The following PRDM16 variants were observed in gnomAD, a reference collection of about 807,000 sequenced individuals.
The protein encoded by PRDM16 is histone-lysine N-methyltransferase PRDM16.
In PRDM16, 23 loss-of-function variants were observed where a neutral mutation model predicts 110.6. The observed-to-expected ratio is 0.21, with a 90% CI of 0.15 to 0.29. PRDM16 has a LOEUF of 0.29. Ranked by LOEUF, PRDM16 falls within the 10% of genes least tolerant of loss-of-function variation. The probability of loss-of-function intolerance (pLI) is 1.00; values close to 1 mark genes in which losing one functional copy is unlikely to be tolerated. For missense variants in PRDM16, 1,615 were observed against 1,794.3 expected, an observed-to-expected ratio of 0.90 and a Z score of 1.81; for synonymous variants, 799 against 781.8, an observed-to-expected ratio of 1.02 and a Z score of -0.37.
intron 2 of PRDM16, among the ~76,000 whole-genome samples, chr1:3,193,991 C>T (rs549036794): frequency 6.6e-6 from 1 of 152,222 alleles, no homozygotes; most frequent in Admixed American, 6.5e-5. Flanking sequence ...GCACACCCCT[C>T]TGGCATCAGG....
intron 2 of PRDM16, among the ~76,000 whole-genome samples, chr1:3,228,817 C>T (rs1191141660): frequency 6.6e-6 from 1 of 152,218 alleles, no homozygotes; most frequent in Non-Finnish European, 1.5e-5. Flanking sequence ...TCTCCTTTCT[C>T]TCCCTCCATC....
At chr1:3,112,451 C>T (rs1642817141) in intron 1 of PRDM16, among the ~76,000 whole-genome samples, 1 of 152,246 alleles carries the variant, frequency 6.6e-6, no homozygotes, top group African/African-American at 2.4e-5. Flanking sequence ...AGGAGCCCCG[C>T]GCTTGCACAG....
chr1:3,220,096 CA>C (rs2100863893), intron 2 of PRDM16, among the ~76,000 whole-genome samples: 1 of 152,330 alleles, frequency 6.6e-6, no homozygotes, highest in East Asian at 1.9e-4. Context: ...CCTGCATCTC[CA>C]GACATAGCCC....
intron 1 of PRDM16, among the ~76,000 whole-genome samples, chr1:3,182,839 G>A (rs1328297268): frequency 1.3e-5 from 2 of 152,188 alleles, no homozygotes; most frequent in African/African-American, 4.8e-5. Context: ...ATCGGGAGGT[G>A]CTTCACGGCA....
intron 1 of PRDM16, among the ~76,000 whole-genome samples, chr1:3,183,737 A>T (rs1195421422): frequency 1.3e-5 from 2 of 152,236 alleles, no homozygotes; most frequent in Non-Finnish European, 2.9e-5. Context: ...GGGAAGTAGA[A>T]TTCAAACAGA....
At chr1:3,361,765 C>T (rs1443677930) in intron 3 of PRDM16, among the ~76,000 whole-genome samples, 5 of 150,454 alleles carry the variant, frequency 3.3e-5, no homozygotes, top group African/African-American at 7.4e-5. Flanking sequence ...AGAAGTGACG[C>T]GGTCTGGGAG....
At chr1:3,176,806 C>G (rs553659927) in intron 1 of PRDM16, among the ~76,000 whole-genome samples, 2 of 145,814 alleles carry the variant, frequency 1.4e-5, no homozygotes, top group Non-Finnish European at 1.5e-5. Context: ...CTATCCACCC[C>G]TTGATTCACC....
At chr1:3,211,637 C>T (rs956993973) in intron 2 of PRDM16, among the ~76,000 whole-genome samples, 11 of 152,346 alleles carry the variant, frequency 7.2e-5, no homozygotes, top group East Asian at 1.9e-4. Context: ...GCCCACTGGC[C>T]GCAGCAGTGG....
At chr1:3,149,441 G>A (rs1056678128) in intron 1 of PRDM16, among the ~76,000 whole-genome samples, 3 of 152,148 alleles carry the variant, frequency 2.0e-5, no homozygotes, top group African/African-American at 7.2e-5. Flanking sequence ...CTACCCACAC[G>A]AGGTGCTGTG....
intron 1 of PRDM16, among the ~76,000 whole-genome samples, chr1:3,122,163 T>C (rs1374183341): frequency 6.6e-6 from 1 of 152,176 alleles, no homozygotes; most frequent in East Asian, 1.9e-4. Context: ...GGCACAGGAC[T>C]GCCTGCTGGA....
At chr1:3,432,233 C>T (rs996769905) in intron 16 of PRDM16, 93 bp downstream of exon 16, 1 of 1,178,274 alleles carries the variant, frequency 8.5e-7, no homozygotes, top group Admixed American at 2.0e-5. Context: ...CCTCCTAGGC[C>T]TGAGGAAGCT....
chr1:3,076,057 G>T (rs929403729), intron 1 of PRDM16, among the ~76,000 whole-genome samples: 8 of 152,284 alleles, frequency 5.3e-5, no homozygotes, highest in Non-Finnish European at 1.2e-4. Context: ...TGCCCACCTC[G>T]AGGCCCTGCT....
At chr1:3,304,942 C>T (rs1160122437) in intron 3 of PRDM16, among the ~76,000 whole-genome samples, 1 of 152,154 alleles carries the variant, frequency 6.6e-6, no homozygotes, top group African/African-American at 2.4e-5. Context: ...GGGCCCATGT[C>T]CCTGGTGCCC....
chr1:3,430,950 G>C lies in PRDM16; in HGVS notation c.3363G>C (p.Glu1121Asp), dbSNP rs749724757. 47 of 1,613,582 alleles carry C rather than the reference G, an allele frequency of 2.9e-5. 1 individual carries two copies. The Middle Eastern group carries it at 1.5e-3, about 51-fold the overall frequency. Residue 1121 changes from glutamate (E) to aspartate (D), a missense_variant, in exon 15 of 17, where the codon GAG (glutamate) becomes GAC (aspartate). By Grantham distance (45) the Glu-to-Asp change is conservative. Coordinates refer to ENST00000270722, the MANE Select transcript of PRDM16 (RefSeq NM_022114.4). ...AGAAGCAGGAGGACGTGGAGGAGGA[G>C]GACGACGATGACCTGGAGGAGGACG... ...ASEKQEDVEEEDDDDLEEDDE... is the reference protein window; with the variant it reads ...ASEKQEDVEEDDDDDLEEDDE...
rs1284918758 is a variant in PRDM16 at position 3,390,860 on chromosome 1, A to C, written c.573+5574A>C. ...TTTTTTTTTTTTTTTTTTTAGACAG[A>C]GTTTCACTCTTGTTGCCCAGGCCAG... On this transcript the variant is annotated intron_variant, in intron 4 of 16. Coordinates refer to ENST00000270722, the MANE Select transcript of PRDM16 (RefSeq NM_022114.4). This position sits in a 1 kb window ranked among gnomAD's most constrained non-coding sequence, Gnocchi z 5.0. Among the ~76,000 whole-genome samples the C allele has an allele frequency of 6.2e-4, 85 of 137,802 alleles. No homozygotes were observed. The highest frequency in any genetic ancestry group is 2.1e-3 in the African/African-American group (77 of 36,818). The allele number at this position is 137,802 out of a possible 152,430, so 90.4% of individuals were successfully genotyped here.
At chr1:3,338,784 G>T (rs150960083) in intron 3 of PRDM16, among the ~76,000 whole-genome samples, 1 of 152,338 alleles carries the variant, frequency 6.6e-6, no homozygotes, top group East Asian at 1.9e-4. Flanking sequence ...CCAGGCCAGG[G>T]TCCTCTCTGG....
intron 3 of PRDM16, among the ~76,000 whole-genome samples, chr1:3,270,598 G>A (rs1640424357): frequency 6.8e-6 from 1 of 147,620 alleles, no homozygotes; most frequent in African/African-American, 2.6e-5. Context: ...GAGGAGGACA[G>A]TCGGGAGGAG....
At position 3,411,596 on chromosome 1, in the gene PRDM16, C is replaced by T. The variant is rs370407029; in HGVS notation, c.1399C>T (p.Pro467Ser). 43 of 1,614,062 alleles carry T rather than the reference C, an allele frequency of 2.7e-5. No homozygotes were observed. The highest frequency in any genetic ancestry group is 3.4e-5 in the Non-Finnish European group (40 of 1,180,026). The change falls in exon 9 of 17, where the codon CCC becomes TCC. Residue 467 changes from proline (P) to serine (S), a missense_variant. By Grantham distance (74) the Pro-to-Ser change is moderately conservative. Coordinates refer to ENST00000270722, the MANE Select transcript of PRDM16 (RefSeq NM_022114.4). Reference sequence around the variant, plus strand: ...CCCGGGCCTGCCCTTGACCCCCAGCCCCATGATGGACAAGGCAAAACCCTC... The same window carrying T: ...CCCGGGCCTGCCCTTGACCCCCAGCTCCATGATGGACAAGGCAAAACCCTC... ...FAPGLPLTPS[P>S]MMDKAKPSPS...
At chr1:3,411,321 G>C in intron 8 of PRDM16, 63 bp from the exon 9 acceptor site, 1 of 1,532,712 alleles carries the variant, frequency 6.5e-7, no homozygotes, top group South Asian at 1.3e-5. Context: ...TTCATGTGGC[G>C]TTTTCAGCAG....
Sources: allele counts gnomAD v4.1 joint callset (sites outside exome capture counted in the v4.1 genomes callset), GRCh38; gene constraint gnomAD v4.1.1; non-coding constraint Gnocchi (gnomAD v3.1); transcripts MANE v1.5; gene names NCBI Gene and HGNC (gene_info 2026-07-23, HGNC 2026-07-21).